The following OLAH variants were observed in gnomAD, a reference collection of about 807,000 sequenced individuals.
The protein encoded by OLAH is oleoyl-ACP hydrolase.
In OLAH, 33 loss-of-function variants were observed where a neutral mutation model predicts 27.8. The observed-to-expected ratio is 1.19, with a 90% CI of 0.90 to 1.59. The LOEUF is 1.59. Ranked by LOEUF, OLAH falls within the 40% of genes most tolerant of loss-of-function variation. The pLI is 0.00. For synonymous variants in OLAH, 120 were observed against 102.9 expected (o/e 1.17, Z -1.01); for missense variants, 359 against 310.8 (o/e 1.16, Z -1.17).
chr10:15,044,814 C>A (rs1843984527), intron 1 of OLAH, among the ~76,000 whole-genome samples: 1 of 152,162 alleles, frequency 6.6e-6, no homozygotes. Context: ...CCTCTCCTCA[C>A]CTCCTGGCTC....
At chr10:15,033,917 G>A (rs1746429974) in intron 1 of OLAH, among the ~76,000 whole-genome samples, 1 of 151,980 alleles carries the variant, frequency 6.6e-6, no homozygotes, top group Non-Finnish European at 1.5e-5. Context: ...GAGTTTTGAA[G>A]GAGACAAATG....
At chr10:15,063,603 C>T (rs1222113395) in intron 4 of OLAH, among the ~76,000 whole-genome samples, 1 of 152,188 alleles carries the variant, frequency 6.6e-6, no homozygotes, top group Non-Finnish European at 1.5e-5. Flanking sequence ...TCAACATTTT[C>T]AATCCCAGTA....
chr10:15,041,750 AT>A (rs1269202423), upstream of OLAH, among the ~76,000 whole-genome samples: 3 of 150,912 alleles, frequency 2.0e-5, no homozygotes, highest in African/African-American at 7.3e-5. Context: ...TGATTTCTGT[AT>A]TTTTAGTAGA....
intron 3 of OLAH, among the ~76,000 whole-genome samples, chr10:15,054,840 C>T (rs550074215): frequency 6.6e-6 from 1 of 152,222 alleles, no homozygotes; most frequent in South Asian, 2.1e-4. Context: ...TTTTTTTGGT[C>T]TATTTCTATG....
intron 1 of OLAH, chr10:15,038,530 T>C (rs1357126432): frequency 6.6e-6 from 1 of 152,120 alleles, no homozygotes; most frequent in Non-Finnish European, 1.5e-5. Context: ...GCTATTTTTG[T>C]GTTAGTGAAT....
intron 3 of OLAH, among the ~76,000 whole-genome samples, chr10:15,050,836 T>C (rs1294508128): frequency 1.3e-5 from 2 of 151,674 alleles, no homozygotes; most frequent in East Asian, 1.9e-4. Flanking sequence ...CCACCGCGCC[T>C]GGCCCCAAAG....
chr10:15,052,365 A>C (rs562806398), intron 3 of OLAH, among the ~76,000 whole-genome samples: 20 of 152,314 alleles, frequency 1.3e-4, no homozygotes, highest in Non-Finnish European at 2.4e-4. Flanking sequence ...TTCTTCAGGC[A>C]GACTCATGAT....
At chr10:15,034,146 C>T (rs1388079798) in intron 1 of OLAH, among the ~76,000 whole-genome samples, 3 of 146,356 alleles carry the variant, frequency 2.0e-5, no homozygotes, top group Non-Finnish European at 4.5e-5. Context: ...CGGAGTCTCG[C>T]TCTGTCACCC....
chr10:15,063,483 C>T (rs1010576641), intron 4 of OLAH, among the ~76,000 whole-genome samples: 13 of 152,160 alleles, frequency 8.5e-5, no homozygotes, highest in South Asian at 2.1e-4. Context: ...ACACTCCATG[C>T]GCAATGAACA....
At chr10:15,034,927 G>A (rs1015133837) in intron 1 of OLAH, among the ~76,000 whole-genome samples, 2 of 150,778 alleles carry the variant, frequency 1.3e-5, no homozygotes, top group East Asian at 2.0e-4. Context: ...TCAGCTTCCC[G>A]AGTAGCTGGG....
chr10:15,054,065 G>A (rs1464677084), intron 3 of OLAH, among the ~76,000 whole-genome samples: 1 of 143,158 alleles, frequency 7.0e-6, no homozygotes, highest in South Asian at 2.2e-4. Context: ...TTGAGATGGA[G>A]TCTCGCTCTG....
At chr10:15,061,207 A>C (rs1003394389) in intron 3 of OLAH, among the ~76,000 whole-genome samples, 2 of 152,174 alleles carry the variant, frequency 1.3e-5, no homozygotes, top group Non-Finnish European at 2.9e-5. Flanking sequence ...GCCAAGGCAA[A>C]ATCAGAAAGT....
chr10:15,062,768 T>C (rs1383564497), intron 4 of OLAH, among the ~76,000 whole-genome samples: 2 of 151,034 alleles, frequency 1.3e-5, no homozygotes, highest in Admixed American at 1.3e-4. Flanking sequence ...AGACAGAGTC[T>C]CACTGTGTCA....
intron 3 of OLAH, among the ~76,000 whole-genome samples, chr10:15,056,062 C>G (rs1203554939): frequency 6.6e-6 from 1 of 152,052 alleles, no homozygotes; most frequent in African/African-American, 2.4e-5. Context: ...GTTGGCTAGG[C>G]TGGTCTCAAA....
upstream of OLAH, among the ~76,000 whole-genome samples, chr10:15,042,022 G>T (rs1843927901): frequency 6.6e-6 from 1 of 151,650 alleles, no homozygotes; most frequent in African/African-American, 2.4e-5. Flanking sequence ...TGATTCTCAG[G>T]ACTCTATCCT....
At chr10:15,037,723 T>C (rs1843862727) in intron 1 of OLAH, among the ~76,000 whole-genome samples, 1 of 152,106 alleles carries the variant, frequency 6.6e-6, no homozygotes, top group Non-Finnish European at 1.5e-5. Context: ...GTGTCTGAGA[T>C]GAAGGAATAG....
intron 7 of OLAH, among the ~76,000 whole-genome samples, chr10:15,072,624 TG>T: frequency 6.6e-6 from 1 of 152,138 alleles, no homozygotes; most frequent in South Asian, 2.1e-4. Flanking sequence ...ATTACAAGCT[TG>T]GAATGTTTCT....
At chr10:15,056,934 C>G in intron 3 of OLAH, 1 of 1,503,276 alleles carries the variant, frequency 6.7e-7, no homozygotes, top group South Asian at 1.3e-5. Flanking sequence ...GCGTGAGCCA[C>G]CGTGCCTGGC....
Position 15,071,099 on chromosome 10 carries a change from G to T in OLAH, c.573-696G>T, listed in dbSNP as rs557519963. Among the ~76,000 whole-genome samples the T allele has an allele frequency of 5.9e-5, 9 of 152,062 alleles. No individual in the cohort carries two copies. In the South Asian group the frequency reaches 1.9e-3, roughly 32 times the overall value. On this transcript the variant is annotated intron_variant, in intron 6 of 7. Coordinates refer to ENST00000378228, the MANE Select transcript of OLAH (RefSeq NM_001039702.3). ...CACCTGACCTAGCCATTAATTTGTTGTCTTTCTCTTCCCTCTCTCCCTGCT... is the reference window on the plus strand; with the variant it reads ...CACCTGACCTAGCCATTAATTTGTTTTCTTTCTCTTCCCTCTCTCCCTGCT...
Sources: allele counts gnomAD v4.1 joint callset (sites outside exome capture counted in the v4.1 genomes callset), GRCh38; gene constraint gnomAD v4.1.1; transcripts MANE v1.5; gene names NCBI Gene and HGNC (gene_info 2026-07-23, HGNC 2026-07-21).